The following CUL1 variants were observed in gnomAD, a reference collection of about 807,000 sequenced individuals.
CUL1 encodes the protein cullin 1.
In CUL1, 24 loss-of-function variants were observed where a neutral mutation model predicts 118.0. That is an observed-to-expected ratio of 0.20 (90% confidence interval 0.15 to 0.29). The LOEUF is 0.29. Among genes scored for constraint, CUL1 ranks in the 10% least tolerant of loss-of-function variants. The pLI is 1.00. For missense variants in CUL1, 361 were observed against 933.8 expected, an observed-to-expected ratio of 0.39 and a Z score of 7.99; for synonymous variants, 332 against 340.4, an observed-to-expected ratio of 0.98 and a Z score of 0.27.
At chr7:148,798,133 G>A in intron 19 of CUL1, 114 bp downstream of exon 19, 1 of 628,356 alleles carries the variant, frequency 1.6e-6, no homozygotes, top group Non-Finnish European at 2.8e-6. Flanking sequence ...TCAGTGTGAA[G>A]CGACAGGCAC....
chr7:148,784,262 C>G (rs1053378558), intron 11 of CUL1, among the ~76,000 whole-genome samples, 185 bp downstream of exon 11: 1 of 152,118 alleles, frequency 6.6e-6, no homozygotes, highest in Non-Finnish European at 1.5e-5. Context: ...GGCTGTTTTT[C>G]AAACAGAAAT....
chr7:148,705,052 T>G (rs1585524126), intron 1 of CUL1, among the ~76,000 whole-genome samples: 2 of 152,316 alleles, frequency 1.3e-5, no homozygotes, highest in South Asian at 2.1e-4. Flanking sequence ...TTTCCAGCGG[T>G]CAGGTTCTCC....
chr7:148,700,985 T>C (rs1797703240), intron 1 of CUL1, among the ~76,000 whole-genome samples: 1 of 152,150 alleles, frequency 6.6e-6, no homozygotes. Context: ...ATTAGACTCT[T>C]GCCACTTACT....
intron 1 of CUL1, among the ~76,000 whole-genome samples, chr7:148,718,132 A>G (rs1386311572): frequency 6.6e-6 from 1 of 152,242 alleles, no homozygotes; most frequent in Non-Finnish European, 1.5e-5. Context: ...GGAGAGATGC[A>G]TTCCTTTCTG....
chr7:148,746,923 T>C (rs993461799), intron 2 of CUL1, among the ~76,000 whole-genome samples: 1 of 152,246 alleles, frequency 6.6e-6, no homozygotes, highest in Non-Finnish European at 1.5e-5. Context: ...TATCTTCAGG[T>C]GGACCCGAGA....
intron 3 of CUL1, 146 bp from the exon 4 acceptor site, chr7:148,756,837 T>A (rs1486689441): frequency 1.1e-5 from 5 of 442,592 alleles, no homozygotes; most frequent in Non-Finnish European, 1.9e-5. Context: ...TATATTAGCA[T>A]GTTTTTGTAT....
chr7:148,709,955 C>T (rs1263381760), intron 1 of CUL1, among the ~76,000 whole-genome samples: 1 of 151,908 alleles, frequency 6.6e-6, no homozygotes, highest in African/African-American at 2.4e-5. Context: ...TGGTGGCCCA[C>T]ACCTGTGGTC....
chr7:148,731,002 A>G (rs999405918), intron 2 of CUL1, among the ~76,000 whole-genome samples: 1 of 152,000 alleles, frequency 6.6e-6, no homozygotes, highest in Admixed American at 6.6e-5. Flanking sequence ...GTTTATAGAG[A>G]CAGAGTCTTG....
intron 2 of CUL1, among the ~76,000 whole-genome samples, chr7:148,735,772 A>G (rs554636277): frequency 1.2e-4 from 19 of 152,282 alleles, no homozygotes; most frequent in African/African-American, 3.6e-4. Flanking sequence ...GTGTGTGTGT[A>G]TATATATGTT....
intron 14 of CUL1, among the ~76,000 whole-genome samples, chr7:148,789,314 C>T (rs1800930579): frequency 6.6e-6 from 1 of 152,142 alleles, no homozygotes; most frequent in Non-Finnish European, 1.5e-5. Context: ...CCATGTGTGG[C>T]GTTTCCCAGT....
At chr7:148,764,878 G>A (rs1475057825) in intron 7 of CUL1, among the ~76,000 whole-genome samples, 1 of 152,188 alleles carries the variant, frequency 6.6e-6, no homozygotes, top group African/African-American at 2.4e-5. Context: ...TCATGGTATA[G>A]GTTTTTCGTA....
rs182751013 is a variant in CUL1 at position 148,777,267 on chromosome 7, T to A, written c.1084-6516T>A. 2.7e-3 allele frequency among the ~76,000 whole-genome samples: 410 copies of A among 152,252 alleles called. 2 individuals are homozygous for A. The highest frequency in any genetic ancestry group is 9.3e-3 in the African/African-American group (386 of 41,540). ...CAAAGGTGACAATGAGATCAAAGAT[T>A]TAAAAATTGTGGTCTGAGGTGCAGA... On this transcript the variant is annotated intron_variant, in intron 9 of 21. Transcript: ENST00000325222.
At chr7:148,796,348 T>C (rs1413492994) in intron 17 of CUL1, among the ~76,000 whole-genome samples, 2 of 152,196 alleles carry the variant, frequency 1.3e-5, no homozygotes, top group African/African-American at 4.8e-5. Context: ...CCTTTTTCTA[T>C]GTTGTTGGGT....
intron 11 of CUL1, 60 bp downstream of exon 11, chr7:148,784,137 G>C: frequency 1.5e-6 from 2 of 1,329,416 alleles, no homozygotes; most frequent in Admixed American, 1.8e-5. Context: ...TTTTATATGA[G>C]GAATTAAAAC....
chr7:148,783,541 C>T (rs1259511730), intron 9 of CUL1: 14 of 1,391,688 alleles, frequency 1.0e-5, no homozygotes, highest in South Asian at 4.1e-5. Context: ...AATGCAAGCT[C>T]GGAATCAATA....
chr7:148,786,656 G>T (rs1290596346), intron 12 of CUL1, 57 bp downstream of exon 12: 13 of 1,430,332 alleles, frequency 9.1e-6, no homozygotes, highest in Non-Finnish European at 1.2e-5. Context: ...CAAGCTGTTT[G>T]TAATGTTATT....
At chr7:148,703,792 A>G (rs1447906706) in intron 1 of CUL1, among the ~76,000 whole-genome samples, 6 of 152,110 alleles carry the variant, frequency 3.9e-5, no homozygotes. Context: ...TAGCCTGCCA[A>G]AGTGCTGGGA....
rs530960012 is a variant in CUL1 at position 148,718,554 on chromosome 7, A to T, written c.-161-11408A>T. Among the ~76,000 whole-genome samples the T allele has an allele frequency of 1.7e-4, 25 of 150,594 alleles. No individual in the cohort carries two copies. In the East Asian group the frequency reaches 4.5e-3, roughly 27 times the overall value. On this transcript the variant is annotated intron_variant, in intron 1 of 21. Transcript: ENST00000325222. ...TTCATCCACGCTGCATCAGTACTTGATTTTTTTTTTATTGCCAAATAGTCT... is the reference window on the plus strand; with the variant it reads ...TTCATCCACGCTGCATCAGTACTTGTTTTTTTTTTTATTGCCAAATAGTCT...
At chr7:148,784,147 C>G in intron 11 of CUL1, 70 bp downstream of exon 11, 1 of 1,206,572 alleles carries the variant, frequency 8.3e-7, no homozygotes, top group South Asian at 1.3e-5. Context: ...GGAATTAAAA[C>G]CTACATTACA....
Sources: gnomAD v4.1 joint callset for allele counts (sites outside exome capture counted in the v4.1 genomes callset) on GRCh38, gnomAD v4.1.1 for gene constraint, MANE v1.5 for transcripts, NCBI Gene and HGNC (gene_info 2026-07-23, HGNC 2026-07-21) for gene names.